Variants in BRWD1 observed in about 807,000 individuals in gnomAD.
BRWD1 encodes the protein bromodomain and WD repeat-containing protein 1.
A neutral mutation model predicts 251.2 loss-of-function variants in BRWD1; 82 were observed. That is an observed-to-expected ratio of 0.33 (90% CI 0.27 to 0.39). BRWD1 has a LOEUF of 0.39. Ranked by LOEUF, BRWD1 falls within the 10% of genes least tolerant of loss-of-function variation. BRWD1 has a pLI of 1.00. For missense variants in BRWD1, 2,233 were observed against 2,711.6 expected (o/e 0.82, Z 3.92); for synonymous variants, 918 against 902.8 (o/e 1.02, Z -0.30).
At chr21:39,319,462 A>G (rs906886644) in intron 1 of BRWD1, among the ~76,000 whole-genome samples, 3 of 152,244 alleles carry the variant, frequency 2.0e-5, no homozygotes, top group Admixed American at 2.0e-4. Flanking sequence ...CCTTGGGAAC[A>G]TGGGAGCTGG....
chr21:39,307,143 T>C (rs530176563), intron 4 of BRWD1, among the ~76,000 whole-genome samples: 1 of 152,344 alleles, frequency 6.6e-6, no homozygotes, highest in East Asian at 1.9e-4. Flanking sequence ...TGTGAGCCAC[T>C]GAGCCTGGTT....
Position 39,190,233 on chromosome 21 carries a change from TTTTTTA to T in BRWD1, c.*6020_*6025del. ...GATTAATCATATTCTAATTAGACTT[TTTTTTA>T]ATTTTTAAGCTACCTTATTTACAGA... is the stretch of plus-strand genomic sequence containing the variant. On this transcript the variant is annotated 3_prime_UTR_variant, in exon 41 of 41. Transcript: ENST00000342449. 4.1e-6 allele frequency: 4 copies of T among 980,204 alleles called. No homozygotes were observed. The highest frequency in any genetic ancestry group is 3.6e-6 in the Non-Finnish European group (3 of 825,340). The allele number at this position is 980,204 out of a possible 1,614,324, so 60.7% of individuals were successfully genotyped here. A position where few individuals can be genotyped will look rare whatever the true frequency, so the allele number is the denominator to read the frequency against.
In BRWD1 at chr21:39,196,909, C is replaced by A; in HGVS notation, c.6160G>T (p.Glu2054Ter). ...RKSSSVTSSG[E>*]DSKSHIPGSE... ...CCTGGAATATGACTTTTTGAATCTT[C>A]TCCTGAAGATGTAACAGAGGAACTT... The change falls in exon 41 of 41, where the codon GAA becomes TAA. Residue 2054 changes from glutamate to a stop codon, truncating the protein, a stop_gained. Coordinates refer to ENST00000342449, the MANE Select transcript of BRWD1 (RefSeq NM_033656.4). LOFTEE classifies it high-confidence loss of function. 1 of 1,613,898 alleles carries A rather than the reference C, an allele frequency of 6.2e-7. No individual in the cohort carries two copies. The highest frequency in any genetic ancestry group is 8.5e-7 in the Non-Finnish European group (1 of 1,179,954).
chr21:39,313,988 G>C (rs1447869171), upstream of BRWD1: 1 of 419,908 alleles, frequency 2.4e-6, no homozygotes, highest in African/African-American at 2.1e-5. Flanking sequence ...ATTCACCGCC[G>C]CCCCCCGTGG....
At chr21:39,304,610 T>C (rs2036225836) in intron 4 of BRWD1, among the ~76,000 whole-genome samples, 1 of 54,070 alleles carries the variant, frequency 1.8e-5, no homozygotes, top group Non-Finnish European at 3.7e-5. Context: ...TGAGAACTTG[T>C]CTGGAAAACA....
chr21:39,280,163 T>A lies in BRWD1; in HGVS notation c.917A>T (p.Glu306Val), dbSNP rs140779952. The change falls in exon 9 of 41, where the codon GAA becomes GTA. Residue 306 changes from glutamate (E) to valine (V), a missense_variant. Transcript: ENST00000342449. Reference sequence around the variant, plus strand: ...AGCCACTTACCTAAATTTTAAGGATTCTAAATCCCATTGCCAAAAGCAAAC... The same window carrying A: ...AGCCACTTACCTAAATTTTAAGGATACTAAATCCCATTGCCAAAAGCAAAC... The part of the protein sequence containing the change: ...GTVCFWQWDL[E>V]SLKFSPRPLK... 4 of 1,603,826 alleles carry A rather than the reference T, an allele frequency of 2.5e-6. No homozygotes were observed. In the African/African-American group the frequency reaches 5.4e-5, roughly 22 times the overall value.
rs918145383 is a variant in BRWD1, at chr21:39,191,554, G to C, written c.*4705C>G. 1.1e-5 allele frequency: 11 copies of C among 983,000 alleles called. No individual in the cohort carries two copies. The African/African-American group carries it at 1.9e-4, about 17-fold the overall frequency. 60.9% of individuals were successfully genotyped at this position (983,000 alleles called of 1,614,324 possible). ...TGGAAAACTAAAGATCTGCTTGACA[G>C]GCTCATGTAATTTTTTGATTGGGAT... On this transcript the variant is annotated 3_prime_UTR_variant, in exon 41 of 41. Coordinates refer to ENST00000342449, the MANE Select transcript of BRWD1 (RefSeq NM_033656.4).
intron 23 of BRWD1, among the ~76,000 whole-genome samples, chr21:39,233,010 G>C (rs545310948): frequency 6.6e-6 from 1 of 152,042 alleles, no homozygotes; most frequent in African/African-American, 2.4e-5. Flanking sequence ...TAATAAAGCC[G>C]ATGAGACTAT....
At chr21:39,209,604 T>C (rs6517526) in intron 36 of BRWD1, among the ~76,000 whole-genome samples, 45,696 of 152,094 alleles carry the variant, frequency 0.3, 7,349 homozygotes, top group Middle Eastern at 0.35. Context: ...AGTCTCACAA[T>C]CAGATTTTCC....
At chr21:39,185,315 A>AAC (rs1469782663), downstream of BRWD1, 43 of 150,260 alleles carry the variant, frequency 2.9e-4, no homozygotes, top group Admixed American at 2.9e-3. Context: ...AAAAAAAAAA[A>AAC]AAAAAAACTT....
chr21:39,292,165 G>T (rs560115396), intron 8 of BRWD1, among the ~76,000 whole-genome samples: 1 of 140,196 alleles, frequency 7.1e-6, no homozygotes. Context: ...TGCCCAGGCC[G>T]GGTCTCAAAC....
intron 38 of BRWD1, among the ~76,000 whole-genome samples, chr21:39,200,988 A>G (rs1042362643): frequency 2.0e-5 from 3 of 152,152 alleles, no homozygotes; most frequent in African/African-American, 7.2e-5. Flanking sequence ...TGTCTCAAAA[A>G]TAAATTAGTT....
At position 39,189,090 on chromosome 21, in the gene BRWD1, C is replaced by T; in HGVS notation, c.*7169G>A. ...AGTCAACCCTATATCCAAAATGAAT[C>T]TTTAACACATTAAATCAATGTTAGC... On this transcript the variant is annotated 3_prime_UTR_variant, in exon 41 of 41. Transcript: ENST00000342449. 2 of 983,874 alleles carry T rather than the reference C, an allele frequency of 2.0e-6. No homozygotes were observed. The highest frequency in any genetic ancestry group is 2.4e-6 in the Non-Finnish European group (2 of 828,500). 60.9% of individuals were successfully genotyped at this position (983,874 alleles called of 1,614,324 possible). A position where few individuals can be genotyped will look rare whatever the true frequency, so the allele number is the denominator to read the frequency against.
At chr21:39,249,709 C>T (rs2034325270) in intron 20 of BRWD1, among the ~76,000 whole-genome samples, 1 of 152,048 alleles carries the variant, frequency 6.6e-6, no homozygotes, top group Admixed American at 6.6e-5. Context: ...CTGAATGTTC[C>T]TTAATTTGTC....
intron 28 of BRWD1, among the ~76,000 whole-genome samples, chr21:39,224,827 C>A (rs1193301313): frequency 6.6e-6 from 1 of 151,986 alleles, no homozygotes; most frequent in African/African-American, 2.4e-5. Flanking sequence ...AACTAGGACA[C>A]TGACAATACG....
At chr21:39,283,761 T>C (rs115249186) in intron 8 of BRWD1, among the ~76,000 whole-genome samples, 189 of 152,344 alleles carry the variant, frequency 1.2e-3, no homozygotes, top group African/African-American at 4.3e-3. Context: ...ATTTCATCAA[T>C]TGCAGTATCA....
intron 8 of BRWD1, among the ~76,000 whole-genome samples, chr21:39,285,439 G>C (rs2035602690): frequency 6.6e-6 from 1 of 152,100 alleles, no homozygotes; most frequent in Non-Finnish European, 1.5e-5. Context: ...AAATAACAAT[G>C]TGATAGACAT....
chr21:39,212,570 C>T lies in BRWD1; in HGVS notation c.3900+96G>A, dbSNP rs1339145175. On this transcript the variant is annotated intron_variant, in intron 34 of 40. Coordinates refer to ENST00000342449, the MANE Select transcript of BRWD1 (RefSeq NM_033656.4). ...GCTAATAAAATATTCAGTATCTACA[C>T]TGATATAACTTTTCAAAGACAAAAA... is the stretch of plus-strand genomic sequence containing the variant. 23 of 948,742 alleles carry T rather than the reference C, an allele frequency of 2.4e-5. No homozygotes were observed. In the East Asian group the frequency reaches 4.4e-4, roughly 18 times the overall value. 58.8% of individuals were successfully genotyped at this position (948,742 alleles called of 1,614,324 possible).
intron 2 of BRWD1, 59 bp from the exon 3 acceptor site, chr21:39,313,160 C>G: frequency 6.7e-7 from 1 of 1,493,878 alleles, no homozygotes; most frequent in Non-Finnish European, 8.9e-7. Context: ...TCCCGTTTCA[C>G]CCCCGCCCAC....
Sources: gnomAD v4.1 joint callset for allele counts (sites outside exome capture counted in the v4.1 genomes callset) on GRCh38, gnomAD v4.1.1 for gene constraint, MANE v1.5 for transcripts, NCBI Gene and HGNC (gene_info 2026-07-23, HGNC 2026-07-21) for gene names.